The following PCDHA13 variants were observed in gnomAD, a reference collection of about 807,000 sequenced individuals.
The protein encoded by PCDHA13 is protocadherin alpha-13.
A neutral mutation model predicts 64.8 loss-of-function variants in PCDHA13; 54 were observed. That is an observed-to-expected ratio of 0.83 (90% CI 0.67 to 1.04). The LOEUF is 1.04. PCDHA13 is among the 50% of genes least tolerant of loss of function. PCDHA13 has a pLI of 0.00. For missense variants in PCDHA13, 1,248 were observed against 1,254.3 expected, an observed-to-expected ratio of 0.99 and a Z score of 0.08; for synonymous variants, 587 against 564.4, an observed-to-expected ratio of 1.04 and a Z score of -0.57.
At chr5:140,929,319 T>C in intron 1 of PCDHA13, 1 of 1,545,486 alleles carries the variant, frequency 6.5e-7, no homozygotes, top group Non-Finnish European at 8.7e-7. Flanking sequence ...CTAATGTCAA[T>C]GCCATGGTAA....
At chr5:140,948,269 A>G (rs1339240276) in intron 1 of PCDHA13, among the ~76,000 whole-genome samples, 1 of 151,602 alleles carries the variant, frequency 6.6e-6, no homozygotes, top group Non-Finnish European at 1.5e-5. Flanking sequence ...GTTCATGTAG[A>G]ATATCTGTAA....
At chr5:140,926,584 C>T in intron 1 of PCDHA13, 1 of 285,400 alleles carries the variant, frequency 3.5e-6, no homozygotes, top group Non-Finnish European at 6.4e-6. Context: ...GCACCTCTCG[C>T]GCCCGGGCGG....
At chr5:140,892,850 A>G (rs2063700618) in intron 1 of PCDHA13, among the ~76,000 whole-genome samples, 1 of 152,104 alleles carries the variant, frequency 6.6e-6, no homozygotes, top group Non-Finnish European at 1.5e-5. Flanking sequence ...ACCACAACCC[A>G]TTCCTCCTGT....
intron 1 of PCDHA13, chr5:140,929,103 G>A: frequency 6.2e-7 from 1 of 1,614,180 alleles, no homozygotes; most frequent in African/African-American, 1.3e-5. Flanking sequence ...ATCCTTGCAT[G>A]ACATCAGCCA....
intron 1 of PCDHA13, chr5:140,928,951 G>C (rs2032668535): frequency 6.2e-7 from 1 of 1,614,028 alleles, no homozygotes; most frequent in Non-Finnish European, 8.5e-7. Flanking sequence ...TTTAGTAATT[G>C]CCTTGGCTTG....
chr5:140,980,216 G>A (rs1554241518), intron 2 of PCDHA13, among the ~76,000 whole-genome samples: 1 of 152,190 alleles, frequency 6.6e-6, no homozygotes, highest in African/African-American at 2.4e-5. Flanking sequence ...GCTTTTGCCT[G>A]CATCTGAGCT....
chr5:140,980,834 C>A (rs1424222678), intron 2 of PCDHA13, among the ~76,000 whole-genome samples: 1 of 151,974 alleles, frequency 6.6e-6, no homozygotes, highest in Non-Finnish European at 1.5e-5. Context: ...AGTTGTGAAC[C>A]TAAATAATAC....
rs1256461262 is a variant in PCDHA13, at chr5:140,982,640, A to T, written c.2542+77A>T. On this transcript the variant is annotated intron_variant, in intron 3 of 3. Transcript: ENST00000289272. ...ATGACCTACTTTTGTAAGATCAGGA[A>T]TGTTGATGGCTCTTTTTCTTTTATA... 3 of 1,544,442 alleles carry T rather than the reference A, an allele frequency of 1.9e-6. No individual in the cohort carries two copies. The African/African-American group carries it at 4.2e-5, about 21-fold the overall frequency.
At chr5:140,933,618 G>T (rs2089270614) in intron 1 of PCDHA13, among the ~76,000 whole-genome samples, 1 of 151,904 alleles carries the variant, frequency 6.6e-6, no homozygotes, top group African/African-American at 2.4e-5. Flanking sequence ...TTCTTATTAG[G>T]TTAGGCTGGC....
chr5:140,934,373 T>G (rs1414749100), intron 1 of PCDHA13, among the ~76,000 whole-genome samples: 1 of 152,182 alleles, frequency 6.6e-6, no homozygotes, highest in African/African-American at 2.4e-5. Flanking sequence ...TGACTCCTTC[T>G]GTGGTTCTAT....
chr5:140,959,116 G>A (rs2095468018), intron 1 of PCDHA13, among the ~76,000 whole-genome samples: 1 of 152,002 alleles, frequency 6.6e-6, no homozygotes, highest in South Asian at 2.1e-4. Context: ...TCCGAAGGTG[G>A]GCGAGGTGAG....
chr5:140,890,259 T>C (rs1303485467), intron 1 of PCDHA13, among the ~76,000 whole-genome samples: 2 of 152,140 alleles, frequency 1.3e-5, no homozygotes, highest in Admixed American at 6.6e-5. Flanking sequence ...CTGCACCTGA[T>C]TGCAAGCAAG....
intron 1 of PCDHA13, among the ~76,000 whole-genome samples, chr5:140,923,319 A>G (rs1004006693): frequency 1.1e-4 from 16 of 152,264 alleles, no homozygotes; most frequent in African/African-American, 3.9e-4. Flanking sequence ...TTGGCCTAGA[A>G]GTTCAAGGAC....
chr5:141,004,642 C>T (rs1470971220), intron 3 of PCDHA13, among the ~76,000 whole-genome samples: 1 of 152,120 alleles, frequency 6.6e-6, no homozygotes, highest in African/African-American at 2.4e-5. Context: ...GAAAAATTTC[C>T]ATTTTGGGCT....
chr5:140,988,363 C>T (rs782342714), intron 3 of PCDHA13, among the ~76,000 whole-genome samples: 25 of 152,132 alleles, frequency 1.6e-4, no homozygotes, highest in Admixed American at 4.6e-4. Context: ...CTTTTACTTT[C>T]TGGGGTTGTG....
chr5:140,970,423 G>A (rs2096404787), intron 1 of PCDHA13, among the ~76,000 whole-genome samples: 1 of 151,762 alleles, frequency 6.6e-6, no homozygotes, highest in Admixed American at 6.6e-5. Context: ...AAGGTGTAGA[G>A]GCAGGTGTTA....
intron 3 of PCDHA13, among the ~76,000 whole-genome samples, chr5:140,990,910 A>G (rs1460988111): frequency 1.3e-5 from 2 of 152,198 alleles, no homozygotes; most frequent in African/African-American, 2.4e-5. Context: ...GTCAAGTTTT[A>G]TAAGTCTTTA....
rs139625618 is a variant in PCDHA13 at position 141,008,025 on chromosome 5, T to C, written c.2543-1602T>C. 1.8e-3 allele frequency among the ~76,000 whole-genome samples: 273 copies of C among 152,354 alleles called. 1 individual carries two copies. Among genetic ancestry groups the C allele is most frequent in the Middle Eastern group, 6.8e-3 (2 of 294 alleles). Reference sequence around the variant, plus strand: ...TAAACTTCTGTTTCCTTTTTTTTCTTGTTAATCTGCCTTTTGTAACAGGGG... The same window carrying C: ...TAAACTTCTGTTTCCTTTTTTTTCTCGTTAATCTGCCTTTTGTAACAGGGG... On this transcript the variant is annotated intron_variant, in intron 3 of 3. Transcript: ENST00000289272.
At chr5:140,926,923 T>G in intron 1 of PCDHA13, 1 of 1,571,554 alleles carries the variant, frequency 6.4e-7, no homozygotes. Flanking sequence ...AGTTTTATGT[T>G]TGTGGGTTTC....
Sources: gnomAD v4.1 joint callset for allele counts (sites outside exome capture counted in the v4.1 genomes callset) on GRCh38, gnomAD v4.1.1 for gene constraint, MANE v1.5 for transcripts, NCBI Gene and HGNC (gene_info 2026-07-23, HGNC 2026-07-21) for gene names.